The following COL11A1 variants were observed in gnomAD, a reference collection of about 807,000 sequenced individuals.
COL11A1 encodes collagen alpha-1(XI) chain.
A neutral mutation model predicts 265.2 loss-of-function variants in COL11A1; 74 were observed. The observed-to-expected ratio is 0.28, with a 90% confidence interval of 0.23 to 0.34. COL11A1 has a LOEUF of 0.34. Ranked by LOEUF, COL11A1 falls within the 10% of genes least tolerant of loss-of-function variation. The pLI is 1.00. For missense variants in COL11A1, 2,165 were observed against 2,263.6 expected (o/e 0.96, Z 0.88); for synonymous variants, 816 against 727.6 (o/e 1.12, Z -1.96).
At chr1:102,961,120 A>G (rs2101564209) in intron 41 of COL11A1, among the ~76,000 whole-genome samples, 1 of 152,302 alleles carries the variant, frequency 6.6e-6, no homozygotes. Flanking sequence ...TTGGTGAAAT[A>G]AGAAAATGAG....
chr1:102,992,814 T>C (rs3102055), intron 28 of COL11A1, among the ~76,000 whole-genome samples: 6,711 of 152,114 alleles, frequency 0.044, 253 homozygotes, highest in African/African-American at 0.097. Flanking sequence ...TCAGAAAAAG[T>C]AACTAGAAAA....
chr1:103,036,411 C>G lies in COL11A1; in HGVS notation c.652-5167G>C, dbSNP rs568016604. On this transcript the variant is annotated intron_variant, in intron 4 of 66. Transcript: ENST00000370096. ...TATAAATATATATCTATATATGCAT[C>G]ATGTATGTTTATAGTACTTTTAAAT... 3.6e-3 allele frequency among the ~76,000 whole-genome samples: 514 copies of G among 144,494 alleles called. 4 individuals carry two copies. The highest frequency in any genetic ancestry group is 0.013 in the African/African-American group (499 of 39,696). 94.8% of individuals were successfully genotyped at this position (144,494 alleles called of 152,430 possible).
chr1:103,018,812 A>G lies in COL11A1; in HGVS notation c.1350+6T>C. 2 of 1,609,524 alleles carry G rather than the reference A, an allele frequency of 1.2e-6. No homozygotes were observed. The highest frequency in any genetic ancestry group is 1.7e-6 in the Non-Finnish European group (2 of 1,176,222). On this transcript the variant is annotated splice_donor_region_variant and intron_variant, in intron 10 of 66. Transcript: ENST00000370096. ...AGACAAAAATAATCTTAAAACATTTACATACTGCAGGTCCTGCTGGTCCTG... is the reference window on the plus strand; with the variant it reads ...AGACAAAAATAATCTTAAAACATTTGCATACTGCAGGTCCTGCTGGTCCTG...
At chr1:103,088,988 A>G (rs1229689925) in intron 1 of COL11A1, among the ~76,000 whole-genome samples, 1 of 152,156 alleles carries the variant, frequency 6.6e-6, no homozygotes, top group Non-Finnish European at 1.5e-5. Context: ...CCATCCTGAC[A>G]TTTATTACTA....
intron 28 of COL11A1, among the ~76,000 whole-genome samples, chr1:102,991,136 T>G (rs1286337425): frequency 3.3e-5 from 5 of 151,986 alleles, no homozygotes; most frequent in African/African-American, 1.2e-4. Flanking sequence ...AATGCCAAAA[T>G]AATGATAATG....
At chr1:102,978,612 C>T in intron 35 of COL11A1, 96 bp downstream of exon 35, 1 of 1,292,456 alleles carries the variant, frequency 7.7e-7, no homozygotes, top group South Asian at 1.2e-5. Flanking sequence ...GATAGACATG[C>T]ACATGTATTA....
intron 54 of COL11A1, among the ~76,000 whole-genome samples, chr1:102,902,283 G>A (rs1043413039): frequency 1.6e-4 from 25 of 152,136 alleles, no homozygotes; most frequent in Non-Finnish European, 2.8e-4. Flanking sequence ...TGACTTGAGA[G>A]TTAGGGAGGA....
chr1:103,082,062 C>T (rs1672460027), intron 2 of COL11A1, among the ~76,000 whole-genome samples: 1 of 151,930 alleles, frequency 6.6e-6, no homozygotes, highest in African/African-American at 2.4e-5. Flanking sequence ...CATTTCACCA[C>T]TCAATTCCCT....
Position 103,048,882 on chromosome 1 carries a change from G to T in COL11A1, c.652-17638C>A, listed in dbSNP as rs537522019. Among the ~76,000 whole-genome samples, 13 of 152,274 alleles carry T rather than the reference G, an allele frequency of 8.5e-5. No homozygotes were observed. In the East Asian group the frequency reaches 1.9e-3, roughly 23 times the overall value. On this transcript the variant is annotated intron_variant, in intron 4 of 66. Transcript: ENST00000370096. Reference sequence around the variant, plus strand: ...CCCAGTAGTGACTCAGGAGCAGGTTGTTCAGTTTCCATGTAGTTGAGCGGT... The same window carrying T: ...CCCAGTAGTGACTCAGGAGCAGGTTTTTCAGTTTCCATGTAGTTGAGCGGT...
At chr1:102,886,142 T>C (rs568450020) in intron 63 of COL11A1, among the ~76,000 whole-genome samples, 47 of 152,298 alleles carry the variant, frequency 3.1e-4, no homozygotes, top group African/African-American at 1.1e-3. Flanking sequence ...GCTACTTTAA[T>C]AATTGTAAGA....
intron 4 of COL11A1, among the ~76,000 whole-genome samples, chr1:103,048,144 T>A (rs1669464556): frequency 6.6e-6 from 1 of 152,214 alleles, no homozygotes; most frequent in African/African-American, 2.4e-5. Flanking sequence ...GATTCCCTCT[T>A]TTTCTATTGA....
chr1:103,013,582 CAAAT>C (rs1666305421), intron 13 of COL11A1, among the ~76,000 whole-genome samples: 1 of 151,696 alleles, frequency 6.6e-6, no homozygotes, highest in Admixed American at 6.6e-5. Flanking sequence ...ATGATACAAT[CAAAT>C]AATGATATAT....
rs533642588 is a variant in COL11A1, at chr1:102,991,195, T to C, written c.2341-1624A>G. Reference sequence around the variant, plus strand: ...AGGAGGTGGTGAGGCAGGAGGTTAATAGGGAGGGTTTGATGGAGGGGTTTT... The same window carrying C: ...AGGAGGTGGTGAGGCAGGAGGTTAACAGGGAGGGTTTGATGGAGGGGTTTT... On this transcript the variant is annotated intron_variant, in intron 28 of 66. Transcript: ENST00000370096. Among the ~76,000 whole-genome samples the C allele has an allele frequency of 2.6e-5, 4 of 152,128 alleles. No individual in the cohort carries two copies. In the South Asian group the frequency reaches 8.3e-4, roughly 31 times the overall value.
intron 58 of COL11A1, 82 bp downstream of exon 58, chr1:102,890,369 G>T: frequency 7.9e-7 from 1 of 1,273,502 alleles, no homozygotes; most frequent in South Asian, 1.4e-5. Flanking sequence ...ATTTTCTTTT[G>T]AATGATTTTA....
intron 1 of COL11A1, among the ~76,000 whole-genome samples, chr1:103,085,271 C>T (rs1170465750): frequency 6.6e-6 from 1 of 152,220 alleles, no homozygotes; most frequent in African/African-American, 2.4e-5. Context: ...TTCCAACCTG[C>T]TTATCCCAGT....
At chr1:103,018,923 A>C in intron 9 of COL11A1, 64 bp from the exon 10 acceptor site, 1 of 1,224,216 alleles carries the variant, frequency 8.2e-7, no homozygotes, top group Non-Finnish European at 1.2e-6. Context: ...TAATTACATG[A>C]ATATAAGAGA....
At chr1:102,906,184 T>C (rs1397247623) in intron 54 of COL11A1, among the ~76,000 whole-genome samples, 1 of 152,152 alleles carries the variant, frequency 6.6e-6, no homozygotes, top group Admixed American at 6.5e-5. Flanking sequence ...TTCAGTATTG[T>C]AAATTAGTTA....
At chr1:103,078,607 A>T in intron 3 of COL11A1, 51 bp downstream of exon 3, 8 of 1,515,844 alleles carry the variant, frequency 5.3e-6, no homozygotes, top group Admixed American at 1.7e-5. Flanking sequence ...GTGACTGAAT[A>T]AAAAAAATGA....
At chr1:102,943,907 T>C (rs61812683) in intron 42 of COL11A1, among the ~76,000 whole-genome samples, 310 of 152,234 alleles carry the variant, frequency 2.0e-3, no homozygotes, top group Non-Finnish European at 3.7e-3. Context: ...TAACTAATAG[T>C]TTTCATTAGA....
Sources: allele counts gnomAD v4.1 joint callset (sites outside exome capture counted in the v4.1 genomes callset), GRCh38; gene constraint gnomAD v4.1.1; transcripts MANE v1.5; gene names NCBI Gene and HGNC (gene_info 2026-07-23, HGNC 2026-07-21).